The following NLGN1 variants were observed in gnomAD, a reference collection of about 807,000 sequenced individuals.
NLGN1 encodes the protein neuroligin 1.
NLGN1 carries 12 observed loss-of-function variants against 65.5 expected under a neutral mutation model. The observed-to-expected ratio is 0.18, with a 90% confidence interval of 0.12 to 0.30. The LOEUF is 0.30. Among genes scored for constraint, NLGN1 ranks in the 10% least tolerant of loss-of-function variants. The pLI, the probability that NLGN1 is intolerant of heterozygous loss-of-function variation, is 1.00. For synonymous variants in NLGN1, 350 were observed against 359.5 expected, an observed-to-expected ratio of 0.97 and a Z score of 0.30; for missense variants, 750 against 1,007.1, an observed-to-expected ratio of 0.74 and a Z score of 3.46.
chr3:174,189,294 A>T (rs1457095416), intron 4 of NLGN1, among the ~76,000 whole-genome samples: 1 of 151,984 alleles, frequency 6.6e-6, no homozygotes, highest in Non-Finnish European at 1.5e-5. Context: ...AGAGAAATAA[A>T]CCCATCTTTC....
chr3:173,474,907 G>A (rs567035381), intron 2 of NLGN1, among the ~76,000 whole-genome samples: 7 of 151,896 alleles, frequency 4.6e-5, no homozygotes, highest in African/African-American at 1.7e-4. Context: ...GCAGTGAGTG[G>A]AGATCCCGCC....
chr3:173,476,808 A>C (rs186372440), intron 2 of NLGN1, among the ~76,000 whole-genome samples: 4 of 152,302 alleles, frequency 2.6e-5, no homozygotes, highest in East Asian at 1.9e-4. Context: ...AGTATATTAC[A>C]AGAGATAGAA....
intron 4 of NLGN1, among the ~76,000 whole-genome samples, chr3:174,008,582 A>G (rs1724912004): frequency 6.6e-6 from 1 of 151,938 alleles, no homozygotes; most frequent in Non-Finnish European, 1.5e-5. Flanking sequence ...GTTTGCTTGT[A>G]TAGTAAGCCC....
intron 4 of NLGN1, among the ~76,000 whole-genome samples, chr3:173,833,036 C>A (rs1199905817): frequency 1.5e-5 from 1 of 64,854 alleles, no homozygotes; most frequent in Non-Finnish European, 3.3e-5. Flanking sequence ...TAGGCTATTA[C>A]ATATTATTAC....
chr3:173,986,716 G>A (rs137930817), intron 4 of NLGN1, among the ~76,000 whole-genome samples: 10 of 152,250 alleles, frequency 6.6e-5, no homozygotes, highest in Non-Finnish European at 1.2e-4. Flanking sequence ...CTAATACAGC[G>A]TCTAGATGCT....
chr3:174,142,305 T>A (rs973987195), intron 4 of NLGN1, among the ~76,000 whole-genome samples: 1 of 152,208 alleles, frequency 6.6e-6, no homozygotes, highest in Non-Finnish European at 1.5e-5. Flanking sequence ...CATCAGAGTG[T>A]ATTTATCCAT....
At chr3:173,764,460 G>A (rs1447395799) in intron 3 of NLGN1, among the ~76,000 whole-genome samples, 1 of 152,060 alleles carries the variant, frequency 6.6e-6, no homozygotes, top group African/African-American at 2.4e-5. Flanking sequence ...AGAACAGAAT[G>A]GTTGCCTTCA....
chr3:174,175,903 A>G lies in NLGN1; in HGVS notation c.647-99412A>G, dbSNP rs552586316. Among the ~76,000 whole-genome samples, 6 of 152,044 alleles carry G rather than the reference A, an allele frequency of 3.9e-5. No homozygotes were observed. In the South Asian group the frequency reaches 6.2e-4, roughly 16 times the overall value. On this transcript the variant is annotated intron_variant, in intron 4 of 6. Coordinates refer to ENST00000457714, the Ensembl canonical transcript of NLGN1. ...CTCATTACTGGCATGATTTCCATCT[A>G]GAATATCTTCAGGATATTTCTCTCT...
chr3:174,031,296 T>C (rs1022710707), intron 4 of NLGN1, among the ~76,000 whole-genome samples: 38 of 152,170 alleles, frequency 2.5e-4, no homozygotes, highest in African/African-American at 9.2e-4. Context: ...TCCCATTTCC[T>C]GACTCCAACA....
intron 2 of NLGN1, among the ~76,000 whole-genome samples, chr3:173,462,846 A>C (rs1314877836): frequency 2.0e-4 from 30 of 152,192 alleles, no homozygotes; most frequent in Admixed American, 2.0e-3. Context: ...GTACCAAACA[A>C]ATTCAAGAAA....
At chr3:173,841,781 G>A (rs1475736870) in intron 4 of NLGN1, among the ~76,000 whole-genome samples, 1 of 152,124 alleles carries the variant, frequency 6.6e-6, no homozygotes, top group East Asian at 1.9e-4. Context: ...GCCAAAGGAT[G>A]AAATATGATG....
At chr3:174,043,694 C>T (rs1190932901) in intron 4 of NLGN1, among the ~76,000 whole-genome samples, 2 of 152,216 alleles carry the variant, frequency 1.3e-5, no homozygotes, top group Non-Finnish European at 2.9e-5. Flanking sequence ...CTCCCAGCTG[C>T]TTTCACAGGT....
intron 3 of NLGN1, among the ~76,000 whole-genome samples, chr3:173,741,180 ATCCATTAACT>A (rs1396783110): frequency 6.6e-6 from 1 of 152,112 alleles, no homozygotes. Context: ...TGCAGTAATA[ATCCATTAACT>A]TGCTGCTTGG....
At chr3:173,675,901 A>T (rs971409569) in intron 3 of NLGN1, among the ~76,000 whole-genome samples, 7 of 141,516 alleles carry the variant, frequency 4.9e-5, no homozygotes, top group Admixed American at 2.8e-4. Flanking sequence ...ACACACACAC[A>T]CACACACACA....
At position 174,266,048 on chromosome 3, in the gene NLGN1, T is replaced by A. The variant is rs60287673; in HGVS notation, c.647-9267T>A. ...TGTGTGTGTGTATATATATATATAT[T>A]TTTTTTTTCTTTCCAACTTTTATTT... is the stretch of plus-strand genomic sequence containing the variant. On this transcript the variant is annotated intron_variant, in intron 4 of 6. Coordinates refer to ENST00000457714, the Ensembl canonical transcript of NLGN1. Among the ~76,000 whole-genome samples, 331 of 60,830 alleles carry A rather than the reference T, an allele frequency of 5.4e-3. 1 individual carries two copies. Among genetic ancestry groups the A allele is most frequent in the East Asian group, 0.016 (15 of 920 alleles). 39.9% of individuals were successfully genotyped at this position (60,830 alleles called of 152,430 possible).
chr3:173,994,884 A>G (rs575831252), intron 4 of NLGN1, among the ~76,000 whole-genome samples: 2 of 152,272 alleles, frequency 1.3e-5, no homozygotes, highest in Admixed American at 6.5e-5. Flanking sequence ...TTGAAACTTT[A>G]CCCTTGCAAA....
chr3:174,083,277 T>C (rs1742603841), intron 4 of NLGN1, among the ~76,000 whole-genome samples: 1 of 152,104 alleles, frequency 6.6e-6, no homozygotes, highest in African/African-American at 2.4e-5. Flanking sequence ...CTCAACTCTG[T>C]GTAGCTCCAT....
At chr3:173,484,364 G>C (rs555357434) in intron 2 of NLGN1, among the ~76,000 whole-genome samples, 1 of 151,942 alleles carries the variant, frequency 6.6e-6, no homozygotes, top group African/African-American at 2.4e-5. Context: ...GGAGAGGGAT[G>C]GATTTGTTAT....
intron 2 of NLGN1, among the ~76,000 whole-genome samples, chr3:173,488,640 C>G (rs1728560422): frequency 6.6e-6 from 1 of 152,008 alleles, no homozygotes; most frequent in Admixed American, 6.6e-5. Context: ...GTTGAGAAAT[C>G]TGGTATTGTG....
Sources: allele counts gnomAD v4.1 joint callset (sites outside exome capture counted in the v4.1 genomes callset), GRCh38; gene constraint gnomAD v4.1.1; transcripts MANE v1.5; gene names NCBI Gene and HGNC (gene_info 2026-07-23, HGNC 2026-07-21).